TERF1: variants seen among roughly 807,000 people sequenced by gnomAD.
The protein encoded by TERF1 is telomeric repeat-binding factor 1.
A neutral mutation model predicts 55.1 loss-of-function variants in TERF1; 20 were observed. The observed-to-expected ratio is 0.36, with a 90% CI of 0.26 to 0.53. The LOEUF (loss-of-function observed/expected upper bound fraction) is 0.53, where lower values mean the gene tolerates loss of function less well. Among genes scored for constraint, TERF1 ranks in the 20% least tolerant of loss-of-function variants. The pLI is 0.91. For missense variants in TERF1, 439 were observed against 535.7 expected (o/e 0.82, Z 1.78); for synonymous variants, 168 against 181.2 (o/e 0.93, Z 0.59).
At chr8:73,039,435 A>G (rs1180081812) in intron 9 of TERF1, among the ~76,000 whole-genome samples, 1 of 152,184 alleles carries the variant, frequency 6.6e-6, no homozygotes, top group Non-Finnish European at 1.5e-5. Context: ...GGGTGTTGGT[A>G]CTGACATCTG....
At chr8:73,026,528 TAAC>T (rs1280487697) in intron 5 of TERF1, among the ~76,000 whole-genome samples, 1 of 152,200 alleles carries the variant, frequency 6.6e-6, no homozygotes, top group Non-Finnish European at 1.5e-5. Context: ...ATTTTTCTAA[TAAC>T]ATTTTATTTT....
At chr8:73,024,676 A>G (rs1408395490) in intron 4 of TERF1, 146 bp from the exon 5 acceptor site, 1 of 591,162 alleles carries the variant, frequency 1.7e-6, no homozygotes, top group African/African-American at 1.9e-5. Flanking sequence ...GTACATTGGC[A>G]TGCCATTTAA....
rs745962757 is a variant in TERF1, at chr8:73,046,128, C to T, written c.1311C>T (p.Ser437=). ...MKKLKLISSD[S]ED is the part of the protein sequence containing the mutation. Reference sequence around the variant, plus strand: ...AACTAAAACTGATTTCCTCAGACAGCGAAGACTGATTGTGTTTGTAAAAGC... The same window carrying T: ...AACTAAAACTGATTTCCTCAGACAGTGAAGACTGATTGTGTTTGTAAAAGC... The change falls in exon 10 of 10, where the codon AGC becomes AGT. Residue 437 remains serine, a synonymous_variant. Coordinates refer to ENST00000276603, the MANE Select transcript of TERF1 (RefSeq NM_017489.3). 2.3e-5 allele frequency: 36 copies of T among 1,585,910 alleles called. No homozygotes were observed. The Admixed American group carries it at 2.8e-4, about 12-fold the overall frequency.
chr8:73,030,178 C>T, intron 6 of TERF1, 158 bp from the exon 7 acceptor site: 1 of 425,152 alleles, frequency 2.4e-6, no homozygotes, highest in East Asian at 3.7e-5. Flanking sequence ...CAAGAATTAG[C>T]CATGTTGTAA....
chr8:73,008,895 G>A lies in TERF1; in HGVS notation c.9G>A (p.Glu3=). Residue 3 remains glutamate, a synonymous_variant, in exon 1 of 10, where the codon GAG becomes GAA. Coordinates refer to ENST00000276603, the MANE Select transcript of TERF1 (RefSeq NM_017489.3). The part of the protein sequence containing the change: MA[E]DVSSAAPSPR... ...CAAGCGAGCCATTTAACATGGCGGAGGATGTTTCCTCAGCGGCCCCGAGCC... is the reference window on the plus strand; with the variant it reads ...CAAGCGAGCCATTTAACATGGCGGAAGATGTTTCCTCAGCGGCCCCGAGCC... The A allele has an allele frequency of 1.9e-6, 3 of 1,605,908 alleles. No individual in the cohort carries two copies. The South Asian group carries it at 3.4e-5, about 18-fold the overall frequency.
At chr8:73,017,486 T>C (rs10095169) in intron 2 of TERF1, among the ~76,000 whole-genome samples, 37,831 of 152,014 alleles carry the variant, frequency 0.25, 5,608 homozygotes, top group Non-Finnish European at 0.33. Context: ...TCTTACCTTA[T>C]GCTGCTCCAT....
chr8:73,026,481 C>CA (rs1241944366), intron 5 of TERF1, among the ~76,000 whole-genome samples: 2 of 152,188 alleles, frequency 1.3e-5, no homozygotes, highest in African/African-American at 4.8e-5. Flanking sequence ...GCCTGGGTGA[C>CA]AGAGTGAGAC....
chr8:73,026,991 G>A lies in TERF1; in HGVS notation c.826G>A (p.Asp276Asn). The A allele has an allele frequency of 6.2e-7, 1 of 1,612,444 alleles. No homozygotes were observed. The highest frequency in any genetic ancestry group is 8.5e-7 in the Non-Finnish European group (1 of 1,179,744). Residue 276 changes from aspartate to asparagine, a missense_variant, in exon 6 of 10, where the codon GAT (aspartate) becomes AAT (asparagine). Physicochemically the swap from Asp to Asn is conservative, Grantham distance 23. Transcript: ENST00000276603. ...SKRTRTITSQ[D>N]KPSGNDVEME... is the part of the protein sequence containing the mutation. ...AAGGACAAGAACAATAACTTCTCAA[G>A]ATAAACCTAGTGGTAATGATGTTGA...
At chr8:73,014,146 G>A (rs140191734) in intron 2 of TERF1, among the ~76,000 whole-genome samples, 156 bp downstream of exon 2, 1 of 151,956 alleles carries the variant, frequency 6.6e-6, no homozygotes, top group East Asian at 1.9e-4. Context: ...TACACATACA[G>A]TCATATCTAA....
intron 8 of TERF1, among the ~76,000 whole-genome samples, chr8:73,038,038 A>G (rs1277089460): frequency 2.0e-5 from 3 of 147,708 alleles, no homozygotes; most frequent in Non-Finnish European, 4.4e-5. Context: ...GGCCAGCAGT[A>G]GGTAGGTAGG....
intron 5 of TERF1, 50 bp from the exon 6 acceptor site, chr8:73,026,890 G>A (rs1282738242): frequency 7.4e-7 from 1 of 1,346,106 alleles, no homozygotes; most frequent in Non-Finnish European, 1.1e-6. Context: ...TGTTTAAAAT[G>A]GCTTAATGCA....
intron 9 of TERF1, among the ~76,000 whole-genome samples, chr8:73,040,991 G>A (rs916283569): frequency 1.3e-5 from 2 of 152,040 alleles, no homozygotes; most frequent in African/African-American, 4.8e-5. Flanking sequence ...TTACCCATCT[G>A]TTCTTGCATG....
intron 9 of TERF1, among the ~76,000 whole-genome samples, chr8:73,043,697 C>T (rs932604129): frequency 1.3e-5 from 2 of 151,324 alleles, no homozygotes; most frequent in African/African-American, 2.5e-5. Context: ...CACCCAGGAC[C>T]CCAAATAGGA....
At chr8:73,021,650 TG>T (rs1808757789) in intron 3 of TERF1, among the ~76,000 whole-genome samples, 1 of 152,178 alleles carries the variant, frequency 6.6e-6, no homozygotes, top group African/African-American at 2.4e-5. Context: ...ATAAGGTAAC[TG>T]GGACACCAAG....
intron 8 of TERF1, among the ~76,000 whole-genome samples, chr8:73,033,359 C>T (rs1050279452): frequency 7.9e-5 from 12 of 152,164 alleles, no homozygotes; most frequent in Middle Eastern, 3.4e-3. Context: ...TGCTGCAAGA[C>T]GGCTGGGAAT....
chr8:73,040,003 T>C (rs1470877609), intron 9 of TERF1, among the ~76,000 whole-genome samples: 9 of 30,832 alleles, frequency 2.9e-4, no homozygotes, highest in Non-Finnish European at 1.1e-3. Flanking sequence ...GAAGGTGCCT[T>C]TTTTTTTTTT....
intron 2 of TERF1, among the ~76,000 whole-genome samples, chr8:73,016,574 A>G (rs1769424196): frequency 6.6e-6 from 1 of 152,020 alleles, no homozygotes; most frequent in Non-Finnish European, 1.5e-5. Context: ...CTAGGACTAC[A>G]GGTGCACCAT....
At chr8:73,015,186 A>G (rs1808446108) in intron 2 of TERF1, among the ~76,000 whole-genome samples, 1 of 152,026 alleles carries the variant, frequency 6.6e-6, no homozygotes, top group African/African-American at 2.4e-5. Flanking sequence ...ACTCTTTTGG[A>G]TATATCCTAG....
intron 2 of TERF1, among the ~76,000 whole-genome samples, chr8:73,018,109 ATT>A (rs1808598986): frequency 1.3e-5 from 2 of 152,146 alleles, no homozygotes; most frequent in African/African-American, 4.8e-5. Flanking sequence ...TACCAGTTAT[ATT>A]GGTTTGTCTG....
Sources: gnomAD v4.1 joint callset for allele counts (sites outside exome capture counted in the v4.1 genomes callset) on GRCh38, gnomAD v4.1.1 for gene constraint, MANE v1.5 for transcripts, NCBI Gene and HGNC (gene_info 2026-07-23, HGNC 2026-07-21) for gene names.